CRX: variants seen among roughly 807,000 people sequenced by gnomAD.
The protein encoded by CRX is cone-rod homeobox.
CRX carries 5 observed loss-of-function variants against 13.1 expected under a neutral mutation model. That is an observed-to-expected ratio of 0.38 (90% CI 0.20 to 0.80). CRX has a LOEUF of 0.80. CRX is among the 30% of genes least tolerant of loss of function. CRX has a pLI of 0.43. For missense variants in CRX, 351 were observed against 391.8 expected (o/e 0.90, Z 0.88); for synonymous variants, 179 against 171.1 (o/e 1.05, Z -0.36).
intron 3 of CRX, among the ~76,000 whole-genome samples, chr19:47,837,709 G>A (rs1256988624): frequency 6.6e-6 from 1 of 152,170 alleles, no homozygotes; most frequent in Non-Finnish European, 1.5e-5. Flanking sequence ...ATTAATGCAT[G>A]TATGATGTAT....
intron 1 of CRX, among the ~76,000 whole-genome samples, chr19:47,832,368 A>C (rs1968062473): frequency 6.6e-6 from 1 of 151,822 alleles, no homozygotes; most frequent in South Asian, 2.1e-4. Flanking sequence ...GGCCTCCCAA[A>C]GTGCTGAAAT....
intron 2 of CRX, 21 bp downstream of exon 2, chr19:47,834,564 T>C (rs773865588): frequency 6.2e-7 from 1 of 1,602,808 alleles, no homozygotes; most frequent in East Asian, 2.2e-5. Context: ...TCGTTTCTCT[T>C]GGCACCCCAG....
chr19:47,833,933 A>G (rs1315311053), intron 1 of CRX, among the ~76,000 whole-genome samples: 1 of 151,362 alleles, frequency 6.6e-6, no homozygotes, highest in East Asian at 1.9e-4. Flanking sequence ...CTCCCACCTC[A>G]GCCTCCTGGG....
rs560236357 is a variant in CRX at position 47,837,418 on chromosome 19, C to T, written c.252+1024C>T. ...CTGACCTCAGGCAATCCTACTGCCT[C>T]GGCCTTCCAGAGCGCTGGGATTACA... On this transcript the variant is annotated intron_variant, in intron 3 of 3. Transcript: ENST00000221996. 5.3e-5 allele frequency among the ~76,000 whole-genome samples: 8 copies of T among 152,268 alleles called. No individual in the cohort carries two copies. In the East Asian group the frequency reaches 1.4e-3, roughly 26 times the overall value.
rs1283564596 is a variant in CRX, at chr19:47,843,156, G to A, written c.*3189G>A. On this transcript the variant is annotated 3_prime_UTR_variant, in exon 4 of 4. Coordinates refer to ENST00000221996, the MANE Select transcript of CRX (RefSeq NM_000554.6). ...GCACAGGGGATTTCAAACGTTCTAC[G>A]TCCTAAAGCCAGGAAGAGTGACAAG... is the stretch of plus-strand genomic sequence containing the variant. 5.3e-5 allele frequency: 8 copies of A among 152,210 alleles called. No individual in the cohort carries two copies. The highest frequency in any genetic ancestry group is 9.7e-5 in the African/African-American group (4 of 41,396). The allele number at this position is 152,210 out of a possible 1,614,324, so 9.4% of individuals were successfully genotyped here. A position where few individuals can be genotyped will look rare whatever the true frequency, so the allele number is the denominator to read the frequency against.
In CRX at chr19:47,839,294, C is replaced by A. The variant is rs1009639959; in HGVS notation, c.253-26C>A. On this transcript the variant is annotated intron_variant, in intron 3 of 3. Transcript: ENST00000221996. This position sits in a 1 kb window ranked among gnomAD's most constrained non-coding sequence, Gnocchi z 4.6. ...CCTGGGCCTCTTCCCCACTTACCCA[C>A]CCCCATCTCCGCTCTTATCCCCCAG... 1.2e-6 allele frequency: 2 copies of A among 1,608,188 alleles called. No homozygotes were observed. The highest frequency in any genetic ancestry group is 1.3e-5 in the African/African-American group (1 of 74,868).
chr19:47,838,509 G>GTA (rs1568625631), intron 3 of CRX, among the ~76,000 whole-genome samples: 1 of 152,082 alleles, frequency 6.6e-6, no homozygotes, highest in Non-Finnish European at 1.5e-5. Context: ...TGTGTATGAT[G>GTA]TATATATGTA....
At chr19:47,836,918 G>GCATA (rs769208002) in intron 3 of CRX, among the ~76,000 whole-genome samples, 3 of 152,158 alleles carry the variant, frequency 2.0e-5, no homozygotes, top group Non-Finnish European at 4.4e-5. Context: ...GTGGGTGGAT[G>GCATA]CATAGATGAA....
chr19:47,823,057 A>G (rs964553750), intron 1 of CRX, among the ~76,000 whole-genome samples: 6 of 151,916 alleles, frequency 3.9e-5, no homozygotes, highest in African/African-American at 1.5e-4. Flanking sequence ...GAGCCTCCCA[A>G]AGTGCTGGGA....
In CRX at chr19:47,839,763, G is replaced by A. The variant is rs1466177047; in HGVS notation, c.696G>A (p.Pro232=). The A allele has an allele frequency of 6.8e-6, 11 of 1,613,900 alleles. No homozygotes were observed. The highest frequency in any genetic ancestry group is 8.5e-6 in the Non-Finnish European group (10 of 1,179,976). ...LSPMVPQLGG[P]ALSPLSGPSV... ...CCATGGTGCCCCAGCTAGGGGGCCC[G>A]GCTCTTAGCCCCCTCTCTGGCCCCT... Residue 232 remains proline (P), a synonymous_variant, in exon 4 of 4, where the codon CCG becomes CCA. Transcript: ENST00000221996. The surrounding 1 kb of genome is among the most constrained non-coding windows in gnomAD (Gnocchi z 4.6).
At position 47,839,843 on chromosome 19, in the gene CRX, G is replaced by A; in HGVS notation, c.776G>A (p.Gly259Asp). 37 of 1,614,066 alleles carry A rather than the reference G, an allele frequency of 2.3e-5. No individual in the cohort carries two copies. Among genetic ancestry groups the A allele is most frequent in the Non-Finnish European group, 3.1e-5 (36 of 1,180,006 alleles). ...SPTSLSGQSY[G>D]AYSPVDSLEF... ...ACCTCCCTATCAGGCCAGAGCTATG[G>A]CGCCTACAGCCCCGTGGATAGCTTG... Residue 259 changes from glycine (G) to aspartate (D), a missense_variant, in exon 4 of 4, where the codon GGC becomes GAC. Gly to Asp is a moderately conservative substitution (Grantham distance 94). Transcript: ENST00000221996. The surrounding 1 kb of genome is among the most constrained non-coding windows in gnomAD (Gnocchi z 4.6).
chr19:47,828,852 G>A (rs960762774), intron 1 of CRX, among the ~76,000 whole-genome samples: 1 of 146,402 alleles, frequency 6.8e-6, no homozygotes, highest in African/African-American at 2.5e-5. Flanking sequence ...TGTTCTGTTT[G>A]CTTTTTTGAA....
intron 1 of CRX, among the ~76,000 whole-genome samples, chr19:47,822,733 C>G (rs1967927290): frequency 2.0e-5 from 3 of 152,204 alleles, no homozygotes; most frequent in Admixed American, 6.5e-5. Flanking sequence ...GGGGAATCCT[C>G]ACGCCCCCGC....
At chr19:47,831,687 T>C (rs1348587070) in intron 1 of CRX, among the ~76,000 whole-genome samples, 3 of 152,092 alleles carry the variant, frequency 2.0e-5, no homozygotes, top group Non-Finnish European at 4.4e-5. Context: ...CCAGATGACT[T>C]GGAAATGGCA....
intron 1 of CRX, among the ~76,000 whole-genome samples, chr19:47,833,581 C>T (rs928221802): frequency 6.6e-6 from 1 of 151,890 alleles, no homozygotes; most frequent in Admixed American, 6.6e-5. Flanking sequence ...CTTGCCTGGC[C>T]CTTACTGTTG....
chr19:47,835,087 T>C (rs933429465), intron 2 of CRX, among the ~76,000 whole-genome samples: 1 of 152,112 alleles, frequency 6.6e-6, no homozygotes, highest in Admixed American at 6.5e-5. Context: ...CTCGAACTCC[T>C]GGGCTCAAGC....
Position 47,841,168 on chromosome 19 carries a change from G to C in CRX, c.*1201G>C, listed in dbSNP as rs1968192207. ...ATTTCACAGACTTCACAAATGTCAGGCTTACATGGTAGGTTTAGGGGACCG... is the reference window on the plus strand; with the variant it reads ...ATTTCACAGACTTCACAAATGTCAGCCTTACATGGTAGGTTTAGGGGACCG... On this transcript the variant is annotated 3_prime_UTR_variant, in exon 4 of 4. Coordinates refer to ENST00000221996, the MANE Select transcript of CRX (RefSeq NM_000554.6). 6.6e-6 allele frequency: 1 copy of C among 152,180 alleles called. No individual in the cohort carries two copies. Among genetic ancestry groups the C allele is most frequent in the Non-Finnish European group, 1.5e-5 (1 of 68,036 alleles). The allele number at this position is 152,180 out of a possible 1,614,324, so 9.4% of individuals were successfully genotyped here.
At chr19:47,830,268 C>T (rs1862483) in intron 1 of CRX, among the ~76,000 whole-genome samples, 73,775 of 151,424 alleles carry the variant, frequency 0.49, 18,717 homozygotes, top group Middle Eastern at 0.62. Context: ...ATGGCAACGC[C>T]GCTGCACTCC....
intron 1 of CRX, among the ~76,000 whole-genome samples, chr19:47,830,575 C>T (rs1377648847): frequency 6.6e-6 from 1 of 151,888 alleles, no homozygotes; most frequent in East Asian, 1.9e-4. Flanking sequence ...GTGGCGGGTG[C>T]CTGAGGTCAG....
Sources: gnomAD v4.1 joint callset for allele counts (sites outside exome capture counted in the v4.1 genomes callset) on GRCh38, gnomAD v4.1.1 for gene constraint, Gnocchi (gnomAD v3.1) non-coding constraint, MANE v1.5 for transcripts, NCBI Gene and HGNC (gene_info 2026-07-23, HGNC 2026-07-21) for gene names.